ELOC: variants seen among roughly 807,000 people sequenced by gnomAD.
ELOC encodes the protein elongin C.
For missense variants in ELOC, 38 were observed against 139.0 expected (o/e 0.27, Z 3.65); for synonymous variants, 40 against 51.3 (o/e 0.78, Z 0.94).
chr8:73,954,433 C>T (rs540783003), intron 3 of ELOC, among the ~76,000 whole-genome samples: 19 of 150,406 alleles, frequency 1.3e-4, no homozygotes, highest in Non-Finnish European at 2.7e-4. Context: ...CTGAGGCAGG[C>T]GGATCACAAG....
At chr8:73,954,291 C>T (rs750169092) in intron 3 of ELOC, among the ~76,000 whole-genome samples, 4 of 152,128 alleles carry the variant, frequency 2.6e-5, no homozygotes, top group South Asian at 2.1e-4. Context: ...ATGCAGTAAA[C>T]GCCACTAAAT....
chr8:73,947,435 G>A (rs1390758684), intron 3 of ELOC, among the ~76,000 whole-genome samples: 1 of 152,158 alleles, frequency 6.6e-6, no homozygotes, highest in East Asian at 1.9e-4. Flanking sequence ...CCAGAATTGT[G>A]AGAAAATAAA....
At chr8:73,948,192 C>CA (rs200295701) in intron 3 of ELOC, among the ~76,000 whole-genome samples, 40,730 of 127,786 alleles carry the variant, frequency 0.32, 5,746 homozygotes, top group South Asian at 0.38. Context: ...AACTCCGTCT[C>CA]AAAAAAAAAA....
At chr8:73,967,468 CTTT>C (rs201615321) in intron 1 of ELOC, among the ~76,000 whole-genome samples, 5 of 135,836 alleles carry the variant, frequency 3.7e-5, no homozygotes, top group Non-Finnish European at 6.3e-5. Flanking sequence ...ATTTTCTTTT[CTTT>C]TTTTTTTTTT....
intron 3 of ELOC, among the ~76,000 whole-genome samples, chr8:73,947,723 C>T (rs1344972333): frequency 4.0e-5 from 6 of 151,870 alleles, no homozygotes; most frequent in East Asian, 1.9e-4. Context: ...CACAGGTGAG[C>T]GCCACCATGT....
In ELOC at chr8:73,958,420, G is replaced by A. The variant is rs150904715; in HGVS notation, c.4+1345C>T. Among the ~76,000 whole-genome samples the A allele has an allele frequency of 2.6e-3, 402 of 152,264 alleles. 2 individuals are homozygous for A. The highest frequency in any genetic ancestry group is 9.1e-3 in the African/African-American group (380 of 41,570). ...AGGACCCTAAGAAGACTAGAATGGA[G>A]TTTTGCCAACTCTACAATATGAACA... On this transcript the variant is annotated intron_variant, in intron 2 of 3. Coordinates refer to ENST00000520242, the MANE Select transcript of ELOC (RefSeq NM_005648.4).
At chr8:73,966,505 AGACAAG>A (rs1403948925) in intron 1 of ELOC, among the ~76,000 whole-genome samples, 1 of 145,304 alleles carries the variant, frequency 6.9e-6, no homozygotes, top group African/African-American at 2.6e-5. Context: ...TTTTTTTTTG[AGACAAG>A]TTCTTGCTCT....
At chr8:73,951,258 C>A (rs577534922) in intron 3 of ELOC, among the ~76,000 whole-genome samples, 1 of 151,788 alleles carries the variant, frequency 6.6e-6, no homozygotes, top group East Asian at 1.9e-4. Context: ...TGAGATAGAG[C>A]GAAAGACTGG....
intron 3 of ELOC, among the ~76,000 whole-genome samples, chr8:73,950,674 A>G (rs1813694383): frequency 6.6e-6 from 1 of 152,218 alleles, no homozygotes; most frequent in African/African-American, 2.4e-5. Context: ...CTGCTAAAAG[A>G]CATGATAGAA....
chr8:73,968,249 A>C (rs1191967325), intron 1 of ELOC, among the ~76,000 whole-genome samples: 2 of 152,216 alleles, frequency 1.3e-5, no homozygotes, highest in African/African-American at 4.8e-5. Flanking sequence ...TATGTCCAAA[A>C]GTCCATTCTG....
intron 1 of ELOC, among the ~76,000 whole-genome samples, chr8:73,966,824 G>A (rs1418433367): frequency 6.6e-6 from 1 of 151,952 alleles, no homozygotes; most frequent in African/African-American, 2.4e-5. Flanking sequence ...CACTACATAA[G>A]AATGTATTCC....
At chr8:73,967,398 G>C (rs1443449182) in intron 1 of ELOC, among the ~76,000 whole-genome samples, 1 of 151,934 alleles carries the variant, frequency 6.6e-6, no homozygotes, top group African/African-American at 2.4e-5. Flanking sequence ...GTAAACGATT[G>C]AGTGTGGCTA....
At chr8:73,960,324 C>A (rs1306137365) in intron 1 of ELOC, among the ~76,000 whole-genome samples, 2 of 152,088 alleles carry the variant, frequency 1.3e-5, no homozygotes, top group Non-Finnish European at 2.9e-5. Context: ...GGTTTTTGAT[C>A]CTCGTTTTGA....
At chr8:73,963,259 A>G (rs1212286343) in intron 1 of ELOC, among the ~76,000 whole-genome samples, 1 of 152,188 alleles carries the variant, frequency 6.6e-6, no homozygotes, top group African/African-American at 2.4e-5. Context: ...GTGAATATTT[A>G]TAAGATATTT....
intron 2 of ELOC, among the ~76,000 whole-genome samples, chr8:73,957,407 C>T (rs533959750): frequency 2.6e-5 from 4 of 151,974 alleles, no homozygotes; most frequent in Admixed American, 6.6e-5. Flanking sequence ...TTAATTTTTA[C>T]AATTTTGTAC....
In ELOC at chr8:73,946,488, A is replaced by G; in HGVS notation, c.*142T>C. 1.7e-6 allele frequency: 1 copy of G among 587,976 alleles called. No homozygotes were observed. Among genetic ancestry groups the G allele is most frequent in the South Asian group, 5.7e-5 (1 of 17,426 alleles). 36.4% of individuals were successfully genotyped at this position (587,976 alleles called of 1,614,324 possible). On this transcript the variant is annotated 3_prime_UTR_variant, in exon 4 of 4. Transcript: ENST00000520242. The stretch of plus-strand genomic sequence containing the variant: ...AATTTCAACTTTGATTGCTATGCAA[A>G]AAAACAAGATAATCTGCTTTGCAAT...
At chr8:73,970,864 C>CAA (rs1170234343) in intron 1 of ELOC, among the ~76,000 whole-genome samples, 2 of 112,176 alleles carry the variant, frequency 1.8e-5, no homozygotes, top group Admixed American at 9.5e-5. Flanking sequence ...AAAAACAAAA[C>CAA]AAAACAAAAA....
intron 3 of ELOC, among the ~76,000 whole-genome samples, chr8:73,953,717 A>C (rs532668783): frequency 1.8e-4 from 27 of 152,286 alleles, no homozygotes; most frequent in African/African-American, 6.0e-4. Context: ...AGATGTATAC[A>C]AACTGGAACC....
intron 1 of ELOC, among the ~76,000 whole-genome samples, chr8:73,960,027 T>C (rs1330698258): frequency 6.6e-6 from 1 of 152,184 alleles, no homozygotes; most frequent in Non-Finnish European, 1.5e-5. Context: ...AGTTGGCACT[T>C]CTGAATCAGA....
Sources: gnomAD v4.1 joint callset for allele counts (sites outside exome capture counted in the v4.1 genomes callset) on GRCh38, gnomAD v4.1.1 for gene constraint, MANE v1.5 for transcripts, NCBI Gene and HGNC (gene_info 2026-07-23, HGNC 2026-07-21) for gene names.